ZXDB: variants seen among roughly 807,000 people sequenced by gnomAD.
ZXDB encodes the protein zinc finger X-linked duplicated B, also known as zinc finger X-linked protein ZXDB.
For missense variants in ZXDB, 413 were observed against 679.1 expected (o/e 0.61, Z 4.36); for synonymous variants, 273 against 314.3 (o/e 0.87, Z 1.39).
Position 57,593,319 on chromosome X carries a change from T to A in ZXDB, c.1271T>A (p.Phe424Tyr). ...NRAHFREQEL[F>Y]SCSFPGCSKQ... ...GCCCATTTCAGGGAACAGGAACTGTTTTCCTGCTCTTTTCCTGGCTGCAGC... is the reference window on the plus strand; with the variant it reads ...GCCCATTTCAGGGAACAGGAACTGTATTCCTGCTCTTTTCCTGGCTGCAGC... The change falls in exon 1 of 1, where the codon TTT becomes TAT. Residue 424 changes from phenylalanine (F) to tyrosine (Y), a missense_variant. Physicochemically the swap from Phe to Tyr is conservative, Grantham distance 22. Coordinates refer to ENST00000374888, the MANE Select transcript of ZXDB (RefSeq NM_007157.4). 8.3e-7 allele frequency: 1 copy of A among 1,209,964 alleles called. No individual in the cohort carries two copies.
At position 57,596,736 on chromosome X, in the gene ZXDB, G is replaced by T. The variant is rs2147345053; in HGVS notation, c.*2276G>T. The T allele has an allele frequency of 8.2e-6, 1 of 121,735 alleles. No individual in the cohort carries two copies. Among genetic ancestry groups the T allele is most frequent in the Admixed American group, 9.6e-5 (1 of 10,413 alleles). The allele number at this position is 121,735 out of a possible 1,213,427, so 10.0% of individuals were successfully genotyped here. A position where few individuals can be genotyped will look rare whatever the true frequency, so the allele number is the denominator to read the frequency against. ...TTCTTCCCTCTCCCCTCCCTTTCCTGCACATCCCCATCCTTGCTATGCCTT... is the reference window on the plus strand; with the variant it reads ...TTCTTCCCTCTCCCCTCCCTTTCCTTCACATCCCCATCCTTGCTATGCCTT... On this transcript the variant is annotated 3_prime_UTR_variant, in exon 1 of 1. Coordinates refer to ENST00000374888, the MANE Select transcript of ZXDB (RefSeq NM_007157.4).
chrX:57,593,292 G>T lies in ZXDB; in HGVS notation c.1244G>T (p.Arg415Leu), dbSNP rs2147343844. The T allele has an allele frequency of 8.3e-7, 1 of 1,211,557 alleles. No homozygotes were observed. Among genetic ancestry groups the T allele is most frequent in the Non-Finnish European group, 1.1e-6 (1 of 895,475 alleles). The change falls in exon 1 of 1, where the codon CGC (arginine) becomes CTC (leucine). Residue 415 changes from arginine to leucine, a missense_variant. Physicochemically the swap from Arg to Leu is moderately radical, Grantham distance 102 (BLOSUM62 -2). Coordinates refer to ENST00000374888, the MANE Select transcript of ZXDB (RefSeq NM_007157.4). ...GTGAGTGCTCTGTTTTCCCATAACC[G>T]CGCCCATTTCAGGGAACAGGAACTG... ...ITVSALFSHN[R>L]AHFREQELFS...
In ZXDB at chrX:57,594,563, G is replaced by A; in HGVS notation, c.*103G>A. 2.0e-6 allele frequency: 2 copies of A among 979,953 alleles called. No homozygotes were observed. The allele number at this position is 979,953 out of a possible 1,213,427, so 80.8% of individuals were successfully genotyped here. ...AAGTGCAGTCATTTCTTTTTGGTTT[G>A]CAAAAAGAGCACAGCCCTGGACTAC... On this transcript the variant is annotated 3_prime_UTR_variant, in exon 1 of 1. Transcript: ENST00000374888.
Position 57,592,758 on chromosome X carries a change from C to T in ZXDB, c.710C>T (p.Ala237Val). The T allele has an allele frequency of 8.7e-7, 1 of 1,155,277 alleles. No homozygotes were observed. The highest frequency in any genetic ancestry group is 1.1e-6 in the Non-Finnish European group (1 of 870,607). Residue 237 changes from alanine (A) to valine (V), a missense_variant, in exon 1 of 1, where the codon GCC (alanine) becomes GTC (valine). Coordinates refer to ENST00000374888, the MANE Select transcript of ZXDB (RefSeq NM_007157.4). Reference sequence around the variant, plus strand: ...CCAGACCTCCTGCTAGCTGAGCCGGCCGAACCCGCGCCAGCTCCGGCGCCT... The same window carrying T: ...CCAGACCTCCTGCTAGCTGAGCCGGTCGAACCCGCGCCAGCTCCGGCGCCT... ...LPPDLLLAEP[A>V]EPAPAPAPEE...
rs1248225276 is a variant in ZXDB, at chrX:57,597,376, T to G, written c.*2916T>G. The G allele has an allele frequency of 1.6e-5, 2 of 123,536 alleles. No individual in the cohort carries two copies. Among genetic ancestry groups the G allele is most frequent in the South Asian group, 3.7e-4 (1 of 2,726 alleles). 10.2% of individuals were successfully genotyped at this position (123,536 alleles called of 1,213,427 possible). ...AATGTTGTCATTCATTAAGGCCTCT[T>G]AAATAGACCACTATTTTTTGTGTCT... On this transcript the variant is annotated 3_prime_UTR_variant, in exon 1 of 1. Transcript: ENST00000374888.
Position 57,594,628 on chromosome X carries a change from G to A in ZXDB, c.*168G>A, listed in dbSNP as rs142398255. 12 of 642,494 alleles carry A rather than the reference G, an allele frequency of 1.9e-5. No homozygotes were observed. In the East Asian group the frequency reaches 4.0e-4, roughly 21 times the overall value. 52.9% of individuals were successfully genotyped at this position (642,494 alleles called of 1,213,427 possible). A position where few individuals can be genotyped will look rare whatever the true frequency, so the allele number is the denominator to read the frequency against. On this transcript the variant is annotated 3_prime_UTR_variant, in exon 1 of 1. Transcript: ENST00000374888. ...AAATTCTGATCTTGAGTTTGGAACT[G>A]ACAAGTTGTGTGACCCTGAGCAAGT...
chrX:57,593,035 C>T lies in ZXDB; in HGVS notation c.987C>T (p.Asp329=), dbSNP rs1057320. The change falls in exon 1 of 1, where the codon GAC becomes GAT. Residue 329 remains aspartate, a synonymous_variant. Transcript: ENST00000374888. The stretch of plus-strand genomic sequence containing the variant: ...TCAAGAGGCACCTGCAGTCGCACGA[C>T]AAACTGCGGCCCTTTGGCTGCCCGG... ...YKLKRHLQSH[D]KLRPFGCPAE... is the part of the protein sequence containing the mutation. The T allele has an allele frequency of 2.7e-5, 33 of 1,210,300 alleles. No homozygotes were observed. Among genetic ancestry groups the T allele is most frequent in the African/African-American group, 2.3e-4 (13 of 57,343 alleles).
Position 57,596,718 on chromosome X carries a change from C to T in ZXDB, c.*2258C>T, listed in dbSNP as rs959170321. On this transcript the variant is annotated 3_prime_UTR_variant, in exon 1 of 1. Coordinates refer to ENST00000374888, the MANE Select transcript of ZXDB (RefSeq NM_007157.4). The stretch of plus-strand genomic sequence containing the variant: ...TTTTATGGTCAGTTTACTTTCTTCC[C>T]TCTCCCCTCCCTTTCCTGCACATCC... 2 of 122,332 alleles carry T rather than the reference C, an allele frequency of 1.6e-5. No individual in the cohort carries two copies. Among genetic ancestry groups the T allele is most frequent in the Non-Finnish European group, 3.8e-5 (2 of 53,032 alleles). The allele number at this position is 122,332 out of a possible 1,213,427, so 10.1% of individuals were successfully genotyped here.
rs1400730400 is a variant in ZXDB at position 57,595,461 on chromosome X, C to T, written c.*1001C>T. On this transcript the variant is annotated 3_prime_UTR_variant, in exon 1 of 1. Coordinates refer to ENST00000374888, the MANE Select transcript of ZXDB (RefSeq NM_007157.4). ...TATGTTGTGTTCATTTAGTAGGTGG[C>T]GCATAATCTGTGGTTTTCTCTCTTT... 2 of 122,694 alleles carry T rather than the reference C, an allele frequency of 1.6e-5. No individual in the cohort carries two copies. Among genetic ancestry groups the T allele is most frequent in the African/African-American group, 6.5e-5 (2 of 30,656 alleles). 10.1% of individuals were successfully genotyped at this position (122,694 alleles called of 1,213,427 possible).
chrX:57,592,699 T>C lies in ZXDB; in HGVS notation c.651T>C (p.His217=), dbSNP rs199767764. ...TCGCCCCGCAAGCTGGGTTCCCGCA[T>C]GCCGCGCACCCGGGTGACTGCCCAG... The part of the protein sequence containing the change: ...CLIAPQAGFP[H]AAHPGDCPEL... Residue 217 remains histidine (H), a synonymous_variant, in exon 1 of 1, where the codon CAT becomes CAC. Transcript: ENST00000374888. The C allele has an allele frequency of 3.2e-5, 38 of 1,180,598 alleles. No individual in the cohort carries two copies. Among genetic ancestry groups the C allele is most frequent in the Non-Finnish European group, 3.7e-5 (33 of 883,303 alleles).
rs1302208916 is a variant in ZXDB at position 57,595,834 on chromosome X, G to A, written c.*1374G>A. 1.6e-5 allele frequency: 2 copies of A among 122,886 alleles called. No homozygotes were observed. Among genetic ancestry groups the A allele is most frequent in the Admixed American group, 1.9e-4 (2 of 10,520 alleles). The allele number at this position is 122,886 out of a possible 1,213,427, so 10.1% of individuals were successfully genotyped here. ...TGGCCTTGAATAAATTAGTTATTAA[G>A]CTTCAGTTTTCTAGCTTTTAACTGA... On this transcript the variant is annotated 3_prime_UTR_variant, in exon 1 of 1. Coordinates refer to ENST00000374888, the MANE Select transcript of ZXDB (RefSeq NM_007157.4).
rs1346872570 is a variant in ZXDB at position 57,592,641 on chromosome X, G to C, written c.593G>C (p.Gly198Ala). ...ATPPPHAWEP[G>A]AAPAQQPGCL... ...CCCCCACCACACGCCTGGGAGCCAG[G>C]GGCCGCTCCTGCCCAGCAGCCCGGG... is the stretch of plus-strand genomic sequence containing the variant. The change falls in exon 1 of 1, where the codon GGG becomes GCG. Residue 198 changes from glycine (G) to alanine (A), a missense_variant. Physicochemically the swap from Gly to Ala is moderately conservative, Grantham distance 60. Coordinates refer to ENST00000374888, the MANE Select transcript of ZXDB (RefSeq NM_007157.4). 2.8e-5 allele frequency: 33 copies of C among 1,193,690 alleles called. No homozygotes were observed. Among genetic ancestry groups the C allele is most frequent in the Non-Finnish European group, 3.5e-5 (31 of 888,911 alleles).
rs766702457 is a variant in ZXDB, at chrX:57,593,125, G to A, written c.1077G>A (p.Glu359=). The change falls in exon 1 of 1, where the codon GAG becomes GAA. Residue 359 remains glutamate (E), a synonymous_variant. Transcript: ENST00000374888. ...TCAAGGCGCACATGAAGGGCCATGA[G>A]CAGGAGAACTCATTCAAATGCGAGG... ...YNLKAHMKGH[E]QENSFKCEVC... The A allele has an allele frequency of 1.7e-6, 2 of 1,212,044 alleles. No individual in the cohort carries two copies. Among genetic ancestry groups the A allele is most frequent in the Admixed American group, 2.2e-5 (1 of 46,104 alleles).
rs2057913263 is a variant in ZXDB, at chrX:57,597,241, TAG to T, written c.*2783_*2784del. The T allele has an allele frequency of 8.1e-6, 1 of 123,621 alleles. No individual in the cohort carries two copies. The highest frequency in any genetic ancestry group is 9.4e-5 in the Admixed American group (1 of 10,618). The allele number at this position is 123,621 out of a possible 1,213,427, so 10.2% of individuals were successfully genotyped here. ...TATTCATTTAGTGAAAAACAAAAAG[TAG>T]ATGTACTTCTGTAAATCAGATAAAT... On this transcript the variant is annotated 3_prime_UTR_variant, in exon 1 of 1. Coordinates refer to ENST00000374888, the MANE Select transcript of ZXDB (RefSeq NM_007157.4).
In ZXDB at chrX:57,596,114, A is replaced by AT. The variant is rs1203464798; in HGVS notation, c.*1658dup. ...TACTCCCTCTTCCCTCTACTGAATAATTTTCCCTCTACTGAATAATTTTCC... is the reference window on the plus strand; with the variant it reads ...TACTCCCTCTTCCCTCTACTGAATAATTTTTCCCTCTACTGAATAATTTTCC... On this transcript the variant is annotated 3_prime_UTR_variant, in exon 1 of 1. Coordinates refer to ENST00000374888, the MANE Select transcript of ZXDB (RefSeq NM_007157.4). 1 of 122,432 alleles carries AT rather than the reference A, an allele frequency of 8.2e-6. No individual in the cohort carries two copies. The highest frequency in any genetic ancestry group is 9.5e-5 in the Admixed American group (1 of 10,495). The allele number at this position is 122,432 out of a possible 1,213,427, so 10.1% of individuals were successfully genotyped here.
chrX:57,592,783 T>TGAG lies in ZXDB; in HGVS notation c.743_745dup (p.Glu248dup), dbSNP rs2057899468. On this transcript the variant is annotated inframe_insertion, in exon 1 of 1. Transcript: ENST00000374888. ...CCGAACCCGCGCCAGCTCCGGCGCC[T>TGAG]GAGGAGGAGGCGGAGGGCCCGGCCG... The TGAG allele has an allele frequency of 2.3e-5, 26 of 1,149,229 alleles. No individual in the cohort carries two copies. The highest frequency in any genetic ancestry group is 2.8e-5 in the Non-Finnish European group (24 of 867,609). 94.7% of individuals were successfully genotyped at this position (1,149,229 alleles called of 1,213,427 possible). A position where few individuals can be genotyped will look rare whatever the true frequency, so the allele number is the denominator to read the frequency against.
In ZXDB at chrX:57,592,802, C is replaced by A; in HGVS notation, c.754C>A (p.Pro252Thr). 8.7e-7 allele frequency: 1 copy of A among 1,144,254 alleles called. No homozygotes were observed. Among genetic ancestry groups the A allele is most frequent in the Non-Finnish European group, 1.2e-6 (1 of 865,656 alleles). The allele number at this position is 1,144,254 out of a possible 1,213,427, so 94.3% of individuals were successfully genotyped here. A position where few individuals can be genotyped will look rare whatever the true frequency, so the allele number is the denominator to read the frequency against. ...GGCGCCTGAGGAGGAGGCGGAGGGC[C>A]CGGCCGCCGCCCTGGGCCCCCGCGG... ...APAPEEEAEG[P>T]AAALGPRGPL... is the part of the protein sequence containing the mutation. Residue 252 changes from proline to threonine, a missense_variant, in exon 1 of 1, where the codon CCG (proline) becomes ACG (threonine). Coordinates refer to ENST00000374888, the MANE Select transcript of ZXDB (RefSeq NM_007157.4).
rs1057322 is a variant in ZXDB at position 57,593,059 on chromosome X, G to C, written c.1011G>C (p.Pro337=). The change falls in exon 1 of 1, where the codon CCG becomes CCC. Residue 337 remains proline (P), a synonymous_variant. Coordinates refer to ENST00000374888, the MANE Select transcript of ZXDB (RefSeq NM_007157.4). ...SHDKLRPFGC[P]AEGCGKSFTT... is the part of the protein sequence containing the mutation. ...ACAAACTGCGGCCCTTTGGCTGCCC[G>C]GCAGAGGGCTGTGGCAAGAGCTTCA... The C allele has an allele frequency of 2.5e-6, 3 of 1,210,222 alleles. No homozygotes were observed.
rs770691087 is a variant in ZXDB, at chrX:57,594,792, A to G, written c.*332A>G. Reference sequence around the variant, plus strand: ...AAAAATATGAGGACGTTTTTCAGTGATGTGGCATGCGTTTTTTTTTAACTG... The same window carrying G: ...AAAAATATGAGGACGTTTTTCAGTGGTGTGGCATGCGTTTTTTTTTAACTG... On this transcript the variant is annotated 3_prime_UTR_variant, in exon 1 of 1. Coordinates refer to ENST00000374888, the MANE Select transcript of ZXDB (RefSeq NM_007157.4). The G allele has an allele frequency of 1.7e-4, 31 of 184,823 alleles. No individual in the cohort carries two copies. The highest frequency in any genetic ancestry group is 2.9e-4 in the Non-Finnish European group (27 of 93,981). 15.2% of individuals were successfully genotyped at this position (184,823 alleles called of 1,213,427 possible).
Sources: allele counts gnomAD v4.1 joint callset, GRCh38; gene constraint gnomAD v4.1.1; transcripts MANE v1.5; gene names NCBI Gene and HGNC (gene_info 2026-07-23, HGNC 2026-07-21).